The following AADACL4 variants were observed in gnomAD, a reference collection of about 807,000 sequenced individuals.
The protein encoded by AADACL4 is arylacetamide deacetylase like 4.
Under a neutral mutation model 14.1 loss-of-function variants are expected in AADACL4, and 9 were observed. That is an observed-to-expected ratio of 0.64 (90% CI 0.39 to 1.12). The LOEUF is 1.12. Ranked by LOEUF, AADACL4 falls within the 50% of genes most tolerant of loss-of-function variation. The pLI is 0.01. For synonymous variants in AADACL4, 188 were observed against 201.6 expected (o/e 0.93, Z 0.57); for missense variants, 531 against 516.1 (o/e 1.03, Z -0.28).
rs1647121231 is a variant in AADACL4 at position 12,647,910 on chromosome 1, G to T, written c.168+3196G>T. Among the ~76,000 whole-genome samples, 3 of 152,038 alleles carry T rather than the reference G, an allele frequency of 2.0e-5. No homozygotes were observed. In the South Asian group the frequency reaches 6.2e-4, roughly 32 times the overall value. On this transcript the variant is annotated intron_variant, in intron 1 of 3. Transcript: ENST00000376221. ...TGGGCTCAAGAGATCCGCCTGCCTT[G>T]GCCTCCCAAACTGTTAGGATTACAG...
chr1:12,651,726 A>T (rs949942419), intron 2 of AADACL4, among the ~76,000 whole-genome samples: 1 of 151,242 alleles, frequency 6.6e-6, no homozygotes. Context: ...CCAAGACCCC[A>T]TCCTTGCTTG....
At chr1:12,645,676 T>C (rs1015013757) in intron 1 of AADACL4, among the ~76,000 whole-genome samples, 6 of 152,122 alleles carry the variant, frequency 3.9e-5, no homozygotes, top group African/African-American at 1.4e-4. Flanking sequence ...CCCAAGTAGC[T>C]GGGACTACAG....
At chr1:12,662,431 G>T (rs1248971059) in intron 3 of AADACL4, among the ~76,000 whole-genome samples, 1 of 152,154 alleles carries the variant, frequency 6.6e-6, no homozygotes, top group Non-Finnish European at 1.5e-5. Context: ...TGGGGTGATG[G>T]TTCTGCAGGT....
chr1:12,658,161 TTTC>T (rs1479288142), intron 2 of AADACL4, among the ~76,000 whole-genome samples: 1 of 138,770 alleles, frequency 7.2e-6, no homozygotes, highest in Non-Finnish European at 1.5e-5. Context: ...TCTTTCTTTC[TTTC>T]TTTTTCTCTT....
chr1:12,661,653 G>A (rs1397750073), intron 2 of AADACL4, 138 bp from the exon 3 acceptor site: 2 of 902,728 alleles, frequency 2.2e-6, no homozygotes, highest in African/African-American at 1.7e-5. Context: ...GCTCTGTCCA[G>A]GCAGAGGAGG....
chr1:12,648,560 G>T lies in AADACL4; in HGVS notation c.169-2563G>T, dbSNP rs1205365086. Among the ~76,000 whole-genome samples, 6 of 139,506 alleles carry T rather than the reference G, an allele frequency of 4.3e-5. No individual in the cohort carries two copies. The South Asian group carries it at 7.0e-4, about 16-fold the overall frequency. The allele number at this position is 139,506 out of a possible 152,430, so 91.5% of individuals were successfully genotyped here. A position where few individuals can be genotyped will look rare whatever the true frequency, so the allele number is the denominator to read the frequency against. On this transcript the variant is annotated intron_variant, in intron 1 of 3. Coordinates refer to ENST00000376221, the MANE Select transcript of AADACL4 (RefSeq NM_001013630.2). ...CACAGGCATGCACCACTGTGCCTGGGTTTTTTTTTTTTTTGTATGTTTTGT... is the reference window on the plus strand; with the variant it reads ...CACAGGCATGCACCACTGTGCCTGGTTTTTTTTTTTTTTTGTATGTTTTGT...
intron 2 of AADACL4, among the ~76,000 whole-genome samples, chr1:12,657,553 G>A (rs1190231571): frequency 6.6e-6 from 1 of 152,196 alleles, no homozygotes; most frequent in African/African-American, 2.4e-5. Flanking sequence ...AAAGTACGGA[G>A]ATTTATTGCA....
chr1:12,657,140 CAAA>C lies in AADACL4; in HGVS notation c.386-4628_386-4626del, dbSNP rs59777423. On this transcript the variant is annotated intron_variant, in intron 2 of 3. Transcript: ENST00000376221. The stretch of plus-strand genomic sequence containing the variant: ...TCTGGGTGACAGAGAAAGACTGTCT[CAAA>C]AAAAAAAAAAAAAAAAAAAAAATCA... Among the ~76,000 whole-genome samples the C allele has an allele frequency of 7.3e-3, 373 of 51,092 alleles. 3 individuals carry two copies. The highest frequency in any genetic ancestry group is 0.021 in the African/African-American group (337 of 16,040). 33.5% of individuals were successfully genotyped at this position (51,092 alleles called of 152,430 possible).
At chr1:12,664,653 C>T (rs945193896) in intron 3 of AADACL4, among the ~76,000 whole-genome samples, 5 of 152,166 alleles carry the variant, frequency 3.3e-5, no homozygotes, top group African/African-American at 9.7e-5. Flanking sequence ...AGCCACCGCC[C>T]GGCCTTGATG....
chr1:12,654,628 G>T (rs1647169702), intron 2 of AADACL4, among the ~76,000 whole-genome samples: 1 of 152,088 alleles, frequency 6.6e-6, no homozygotes, highest in South Asian at 2.1e-4. Flanking sequence ...CAGTCAGGCT[G>T]GTGGGAAAAA....
intron 3 of AADACL4, among the ~76,000 whole-genome samples, chr1:12,664,405 C>A (rs1647278816): frequency 6.6e-6 from 1 of 151,150 alleles, no homozygotes; most frequent in African/African-American, 2.4e-5. Flanking sequence ...GTCTCACTCT[C>A]TCCCAGGCTG....
chr1:12,648,471 A>C (rs905153636), intron 1 of AADACL4, among the ~76,000 whole-genome samples: 1 of 150,022 alleles, frequency 6.7e-6, no homozygotes, highest in Non-Finnish European at 1.5e-5. Context: ...ATCTTGGCTC[A>C]CTGCAACCGC....
At chr1:12,645,231 CT>C in intron 1 of AADACL4, among the ~76,000 whole-genome samples, 1 of 137,580 alleles carries the variant, frequency 7.3e-6, no homozygotes, top group South Asian at 2.5e-4. Context: ...TCCCTATCTC[CT>C]TTCTTCCTTC....
At position 12,651,285 on chromosome 1, in the gene AADACL4, C is replaced by A. The variant is rs771866162; in HGVS notation, c.331C>A (p.Pro111Thr). The A allele has an allele frequency of 1.4e-5, 22 of 1,614,206 alleles. No individual in the cohort carries two copies. The highest frequency in any genetic ancestry group is 3.3e-4 in the Middle Eastern group (2 of 6,062). The part of the protein sequence containing the change: ...LFQPKAASSR[P>T]RRGIIFYHGG... ...CCAGCCGAAGGCAGCATCCTCCAGACCCCGGCGAGGCATCATCTTCTACCA... is the reference window on the plus strand; with the variant it reads ...CCAGCCGAAGGCAGCATCCTCCAGAACCCGGCGAGGCATCATCTTCTACCA... The change falls in exon 2 of 4, where the codon CCC becomes ACC. Residue 111 changes from proline to threonine, a missense_variant. Physicochemically the swap from Pro to Thr is conservative, Grantham distance 38. Transcript: ENST00000376221.
chr1:12,646,885 A>T (rs1472705517), intron 1 of AADACL4, among the ~76,000 whole-genome samples: 1 of 152,098 alleles, frequency 6.6e-6, no homozygotes, highest in Admixed American at 6.5e-5. Context: ...ACAGTAGTGA[A>T]TGTTCATTCG....
At chr1:12,659,689 A>G (rs1647211754) in intron 2 of AADACL4, among the ~76,000 whole-genome samples, 1 of 152,160 alleles carries the variant, frequency 6.6e-6, no homozygotes, top group Admixed American at 6.5e-5. Flanking sequence ...GTCACCCAGG[A>G]TGGAGTGCAG....
intron 1 of AADACL4, among the ~76,000 whole-genome samples, chr1:12,647,207 C>A (rs1206505537): frequency 6.6e-6 from 1 of 151,906 alleles, no homozygotes; most frequent in African/African-American, 2.4e-5. Flanking sequence ...GATCCTCCCA[C>A]CTCAGCCTCC....
chr1:12,651,863 CT>C (rs1647150448), intron 2 of AADACL4, among the ~76,000 whole-genome samples: 1 of 147,728 alleles, frequency 6.8e-6, no homozygotes, highest in Non-Finnish European at 1.5e-5. Context: ...GAGTCTCGCT[CT>C]GTCGCTCAGG....
At chr1:12,656,870 G>T (rs1647181018) in intron 2 of AADACL4, among the ~76,000 whole-genome samples, 1 of 152,118 alleles carries the variant, frequency 6.6e-6, no homozygotes, top group South Asian at 2.1e-4. Context: ...GCTGGGCATG[G>T]TAGCTTATGC....
Sources: gnomAD v4.1 joint callset for allele counts (sites outside exome capture counted in the v4.1 genomes callset) on GRCh38, gnomAD v4.1.1 for gene constraint, MANE v1.5 for transcripts, NCBI Gene and HGNC (gene_info 2026-07-23, HGNC 2026-07-21) for gene names.